The following PDE4D variants were observed in gnomAD, a reference collection of about 807,000 sequenced individuals.
PDE4D encodes phosphodiesterase 4D, also known as 3',5'-cyclic-AMP phosphodiesterase 4D.
PDE4D carries 24 observed loss-of-function variants against 87.4 expected under a neutral mutation model. The ratio of observed to expected loss-of-function variants is 0.27; its 90% CI spans 0.20 to 0.39. The LOEUF (loss-of-function observed/expected upper bound fraction) is 0.39. PDE4D is among the 10% of genes least tolerant of loss of function. The pLI is 1.00. For missense variants in PDE4D, 714 were observed against 1,041.0 expected, an observed-to-expected ratio of 0.69 and a Z score of 4.32; for synonymous variants, 384 against 383.2, an observed-to-expected ratio of 1.00 and a Z score of -0.02.
At chr5:59,781,728 T>C in intron 1 of PDE4D, among the ~76,000 whole-genome samples, 1 of 128,712 alleles carries the variant, frequency 7.8e-6, no homozygotes, top group African/African-American at 3.0e-5. Flanking sequence ...GAGGTTGCAG[T>C]GAGCCGAGAT....
upstream of PDE4D, chr5:60,488,361 C>T (rs1383888722): frequency 3.3e-5 from 5 of 151,940 alleles, no homozygotes; most frequent in African/African-American, 1.2e-4. Flanking sequence ...TCAGCTGTGC[C>T]GGCGCTACGG....
chr5:59,131,944 T>G (rs975204518), intron 5 of PDE4D, among the ~76,000 whole-genome samples: 2 of 152,072 alleles, frequency 1.3e-5, no homozygotes, highest in Non-Finnish European at 2.9e-5. Flanking sequence ...ATGTCTTAGT[T>G]TCTAGTCGCG....
At chr5:60,336,027 G>C (rs527939443) in intron 1 of PDE4D, among the ~76,000 whole-genome samples, 83 of 152,228 alleles carry the variant, frequency 5.5e-4, no homozygotes, top group Admixed American at 2.6e-3. Flanking sequence ...AGCCTCACAG[G>C]GTAGGTTATT....
At chr5:59,681,550 A>G (rs951851131) in intron 1 of PDE4D, among the ~76,000 whole-genome samples, 1 of 152,166 alleles carries the variant, frequency 6.6e-6, no homozygotes, top group African/African-American at 2.4e-5. Flanking sequence ...TCATGAGAGC[A>G]TTCCCTTCAT....
intron 5 of PDE4D, among the ~76,000 whole-genome samples, chr5:59,040,772 C>T (rs951613554): frequency 3.3e-5 from 5 of 152,122 alleles, no homozygotes; most frequent in African/African-American, 4.8e-5. Flanking sequence ...TGGTGGGATC[C>T]CTTGTCTTTG....
chr5:60,226,432 G>T (rs563420603), intron 1 of PDE4D, among the ~76,000 whole-genome samples: 1 of 152,066 alleles, frequency 6.6e-6, no homozygotes, highest in Admixed American at 6.6e-5. Flanking sequence ...GAGAACCAAA[G>T]AAAAAACCCA....
At position 59,101,818 on chromosome 5, in the gene PDE4D, C is replaced by T. The variant is rs185797888; in HGVS notation, c.809-62847G>A. Among the ~76,000 whole-genome samples the T allele has an allele frequency of 1.3e-3, 204 of 151,852 alleles. 1 individual carries two copies. The highest frequency in any genetic ancestry group is 4.7e-3 in the African/African-American group (194 of 41,388). ...GGTCACATTTAAGTAGGAGAGGATG[C>T]ATACAATAATAAGATATTTCAATTA... is the stretch of plus-strand genomic sequence containing the variant. On this transcript the variant is annotated intron_variant, in intron 5 of 14. Coordinates refer to ENST00000340635, the MANE Select transcript of PDE4D (RefSeq NM_001104631.2).
At chr5:60,223,522 T>G (rs897403623) in intron 1 of PDE4D, among the ~76,000 whole-genome samples, 4 of 152,012 alleles carry the variant, frequency 2.6e-5, no homozygotes, top group African/African-American at 9.7e-5. Context: ...AGACAGAGCT[T>G]CTCCTATTAC....
intron 1 of PDE4D, among the ~76,000 whole-genome samples, chr5:59,655,575 C>T (rs995145550): frequency 1.3e-5 from 2 of 152,092 alleles, no homozygotes; most frequent in Non-Finnish European, 2.9e-5. Flanking sequence ...CATTTCCAAC[C>T]TGCTTTATTT....
At chr5:60,083,171 T>C (rs1774156293) in intron 2 of PDE4D, among the ~76,000 whole-genome samples, 1 of 152,214 alleles carries the variant, frequency 6.6e-6, no homozygotes, top group Admixed American at 6.5e-5. Context: ...TGAATATACT[T>C]GATGCCTAGC....
rs1463821243 is a variant in PDE4D, at chr5:60,474,110, A to ATATATATGTGTGTG, written c.-90+13831_-90+13832insCACACACATATATA. 1.4e-4 allele frequency among the ~76,000 whole-genome samples: 9 copies of ATATATATGTGTGTG among 65,976 alleles called. No individual in the cohort carries two copies. In the South Asian group the frequency reaches 1.5e-3, roughly 11 times the overall value. 43.3% of individuals were successfully genotyped at this position (65,976 alleles called of 152,430 possible). ...TCTCAGTCCCTTTGAGCTGCCATAT[A>ATATATATGTGTGTG]TATATATATATATATATATATATAT... On this transcript the variant is annotated intron_variant, in intron 1 of 16. Transcript: ENST00000502484.
intron 5 of PDE4D, 179 bp from the exon 6 acceptor site, chr5:59,039,150 G>A: frequency 1.5e-6 from 2 of 1,356,874 alleles, no homozygotes; most frequent in Non-Finnish European, 1.9e-6. Flanking sequence ...GGCTGTGCTC[G>A]CGGGGCGGCC....
chr5:59,526,497 C>T (rs1347510301), intron 1 of PDE4D, among the ~76,000 whole-genome samples: 3 of 152,178 alleles, frequency 2.0e-5, no homozygotes, highest in Non-Finnish European at 4.4e-5. Context: ...TAAAGCCAAA[C>T]TCATATATAT....
At chr5:59,103,740 C>T (rs1771137260) in intron 5 of PDE4D, among the ~76,000 whole-genome samples, 2 of 152,174 alleles carry the variant, frequency 1.3e-5, no homozygotes, top group Admixed American at 6.5e-5. Context: ...GATCATTAGA[C>T]TGATTTGAAT....
At chr5:59,022,854 T>C (rs543296342) in intron 6 of PDE4D, among the ~76,000 whole-genome samples, 51 of 152,352 alleles carry the variant, frequency 3.3e-4, no homozygotes, top group African/African-American at 1.2e-3. Flanking sequence ...AAATACATTT[T>C]TAAAATATTA....
intron 2 of PDE4D, among the ~76,000 whole-genome samples, chr5:60,012,982 C>T: frequency 6.6e-6 from 1 of 152,122 alleles, no homozygotes; most frequent in East Asian, 1.9e-4. Flanking sequence ...TTTCTCTTGC[C>T]TCTGCGCCCC....
chr5:59,383,543 A>G (rs1328216766), intron 1 of PDE4D, among the ~76,000 whole-genome samples: 1 of 152,100 alleles, frequency 6.6e-6, no homozygotes, highest in African/African-American at 2.4e-5. Context: ...CAATGTATTT[A>G]TTTACTATGC....
chr5:59,424,983 T>C (rs1278766901), intron 1 of PDE4D, among the ~76,000 whole-genome samples: 1 of 152,218 alleles, frequency 6.6e-6, no homozygotes, highest in Non-Finnish European at 1.5e-5. Flanking sequence ...GTTTATTACC[T>C]AGTCTGGAGC....
chr5:59,653,208 A>ATTTTTTT (rs555841091), intron 1 of PDE4D, among the ~76,000 whole-genome samples: 11,301 of 125,502 alleles, frequency 0.09, 711 homozygotes, highest in Admixed American at 0.12. Flanking sequence ...AAAAAAAAAA[A>ATTTTTTT]TTTTTTTTTT....
Sources: gnomAD v4.1 joint callset for allele counts (sites outside exome capture counted in the v4.1 genomes callset) on GRCh38, gnomAD v4.1.1 for gene constraint, MANE v1.5 for transcripts, NCBI Gene and HGNC (gene_info 2026-07-23, HGNC 2026-07-21) for gene names.